KCNT2: variants seen among roughly 807,000 people sequenced by gnomAD.
The protein encoded by KCNT2 is potassium sodium-activated channel subfamily T member 2.
In KCNT2, 67 loss-of-function variants were observed where a neutral mutation model predicts 153.8. The ratio of observed to expected loss-of-function variants is 0.44; its 90% CI spans 0.36 to 0.53. KCNT2 has a LOEUF of 0.53. Among genes scored for constraint, KCNT2 ranks in the 20% least tolerant of loss-of-function variants. KCNT2 has a pLI of 0.00. For synonymous variants in KCNT2, 500 were observed against 458.8 expected (o/e 1.09, Z -1.15); for missense variants, 975 against 1,354.8 (o/e 0.72, Z 4.40).
At chr1:196,342,368 TTGAAGTC>T (rs1257869284) in intron 14 of KCNT2, 140 bp from the exon 15 acceptor site, 5 of 516,838 alleles carry the variant, frequency 9.7e-6, no homozygotes, top group Non-Finnish European at 1.5e-5. Flanking sequence ...GAGTAATGCT[TTGAAGTC>T]TGAAGATGAC....
chr1:196,348,853 C>T (rs1047141892), intron 14 of KCNT2, among the ~76,000 whole-genome samples: 7 of 151,852 alleles, frequency 4.6e-5, no homozygotes, highest in African/African-American at 1.5e-4. Context: ...TGGAGAAACC[C>T]TGTCTCTACG....
At chr1:196,343,420 G>A (rs1262631364) in intron 14 of KCNT2, among the ~76,000 whole-genome samples, 2 of 151,856 alleles carry the variant, frequency 1.3e-5, no homozygotes, top group Non-Finnish European at 2.9e-5. Context: ...CTACAAAAAA[G>A]CACATTTTAG....
chr1:196,262,841 C>G (rs1001623552), intron 25 of KCNT2, among the ~76,000 whole-genome samples: 1 of 151,956 alleles, frequency 6.6e-6, no homozygotes, highest in Non-Finnish European at 1.5e-5. Context: ...AATAAATAAG[C>G]TGTGTTTTCA....
At chr1:196,598,085 T>A (rs1664297466) in intron 1 of KCNT2, among the ~76,000 whole-genome samples, 1 of 152,096 alleles carries the variant, frequency 6.6e-6, no homozygotes. Context: ...ATAGTAATAA[T>A]TGTGGATTAA....
chr1:196,291,252 G>A (rs1034197111), intron 22 of KCNT2, among the ~76,000 whole-genome samples: 11 of 151,308 alleles, frequency 7.3e-5, no homozygotes, highest in Admixed American at 3.3e-4. Context: ...AAATCCTTTC[G>A]TACAAGCACA....
At chr1:196,603,746 C>CTTGA in intron 1 of KCNT2, among the ~76,000 whole-genome samples, 1 of 152,020 alleles carries the variant, frequency 6.6e-6, no homozygotes, top group Middle Eastern at 3.4e-3. Context: ...CTAGAATGGT[C>CTTGA]TTAAATAAAT....
chr1:196,421,866 C>T (rs1223056460), intron 12 of KCNT2, among the ~76,000 whole-genome samples: 1 of 151,992 alleles, frequency 6.6e-6, no homozygotes, highest in Non-Finnish European at 1.5e-5. Flanking sequence ...CTCTCCTTGG[C>T]ATGTATATTG....
intron 22 of KCNT2, among the ~76,000 whole-genome samples, chr1:196,304,595 TAGTA>T (rs763290541): frequency 4.6e-5 from 7 of 152,122 alleles, no homozygotes; most frequent in Non-Finnish European, 1.0e-4. Flanking sequence ...TACTATTTAG[TAGTA>T]AGTAAAAGCT....
At chr1:196,250,541 A>G (rs900564842) in intron 26 of KCNT2, among the ~76,000 whole-genome samples, 3 of 152,190 alleles carry the variant, frequency 2.0e-5, no homozygotes, top group African/African-American at 7.2e-5. Context: ...AAACATTGGG[A>G]AAACTCTTCA....
At chr1:196,303,741 T>C (rs1179529682) in intron 22 of KCNT2, among the ~76,000 whole-genome samples, 1 of 152,126 alleles carries the variant, frequency 6.6e-6, no homozygotes, top group Non-Finnish European at 1.5e-5. Flanking sequence ...ACGAAATAAT[T>C]TATCCAGTTT....
chr1:196,501,292 T>C (rs1028125376), intron 1 of KCNT2, among the ~76,000 whole-genome samples: 8 of 152,084 alleles, frequency 5.3e-5, no homozygotes, highest in Admixed American at 5.2e-4. Context: ...ATAGCAAAGA[T>C]ATGGAATGAA....
intron 3 of KCNT2, among the ~76,000 whole-genome samples, chr1:196,488,700 C>T (rs1679624215): frequency 6.6e-6 from 1 of 151,938 alleles, no homozygotes; most frequent in Non-Finnish European, 1.5e-5. Context: ...GGCAGTAGTC[C>T]TCAATCATTT....
intron 22 of KCNT2, among the ~76,000 whole-genome samples, chr1:196,302,730 CT>C (rs564486260): frequency 1.6e-3 from 231 of 145,258 alleles, no homozygotes; most frequent in African/African-American, 1.9e-3. Flanking sequence ...CCCAGCACAA[CT>C]TTTTTTTTTT....
intron 5 of KCNT2, among the ~76,000 whole-genome samples, chr1:196,471,172 G>A (rs112348020): frequency 4.6e-5 from 7 of 151,836 alleles, no homozygotes; most frequent in African/African-American, 1.5e-4. Context: ...CTCCCAAAGT[G>A]CTGGGATTAC....
chr1:196,245,153 C>T (rs775247217), intron 26 of KCNT2, among the ~76,000 whole-genome samples: 2 of 152,046 alleles, frequency 1.3e-5, no homozygotes, highest in East Asian at 1.9e-4. Flanking sequence ...TGGGGTGCAC[C>T]GTGAGTAGAT....
intron 1 of KCNT2, among the ~76,000 whole-genome samples, chr1:196,557,062 A>C (rs1044156009): frequency 1.3e-5 from 2 of 151,092 alleles, no homozygotes; most frequent in East Asian, 3.9e-4. Flanking sequence ...AAAAATGAAT[A>C]AGACTTAGTA....
rs1425842162 is a variant in KCNT2 at position 196,467,804 on chromosome 1, AC to A, written c.460-19del. On this transcript the variant is annotated intron_variant, in intron 6 of 27. Transcript: ENST00000294725. ...CAGAATATCTGGAAAACAAAACAAAACAAAACTAGACTTTTATCTCAAAGCA... is the reference window on the plus strand; with the variant it reads ...CAGAATATCTGGAAAACAAAACAAAAAAAACTAGACTTTTATCTCAAAGCA... The A allele has an allele frequency of 3.3e-6, 5 of 1,499,102 alleles. No homozygotes were observed. In the Admixed American group the frequency reaches 8.5e-5, roughly 25 times the overall value. The allele number at this position is 1,499,102 out of a possible 1,614,324, so 92.9% of individuals were successfully genotyped here.
At chr1:196,288,162 G>A (rs890066530) in intron 22 of KCNT2, among the ~76,000 whole-genome samples, 9 of 113,936 alleles carry the variant, frequency 7.9e-5, no homozygotes, top group South Asian at 7.3e-4. Flanking sequence ...AAAATAAAAC[G>A]CTTGAGAGAC....
At chr1:196,562,059 G>C (rs1293950018) in intron 1 of KCNT2, among the ~76,000 whole-genome samples, 1 of 151,826 alleles carries the variant, frequency 6.6e-6, no homozygotes, top group African/African-American at 2.4e-5. Flanking sequence ...GTTTCTTATT[G>C]ACTTGAAAAA....
Sources: allele counts gnomAD v4.1 joint callset (sites outside exome capture counted in the v4.1 genomes callset), GRCh38; gene constraint gnomAD v4.1.1; transcripts MANE v1.5; gene names NCBI Gene and HGNC (gene_info 2026-07-23, HGNC 2026-07-21).